The following LIMCH1 variants were observed in gnomAD, a reference collection of about 807,000 sequenced individuals.
LIMCH1 encodes LIM and calponin homology domains 1.
LIMCH1 carries 113 observed loss-of-function variants against 176.5 expected under a neutral mutation model. The ratio of observed to expected loss-of-function variants is 0.64; its 90% CI spans 0.55 to 0.75. The LOEUF (loss-of-function observed/expected upper bound fraction) is 0.75. Ranked by LOEUF, LIMCH1 falls within the 30% of genes least tolerant of loss-of-function variation. The probability of loss-of-function intolerance (pLI) is 0.00; values close to 1 mark genes in which losing one functional copy is unlikely to be tolerated. For synonymous variants in LIMCH1, 619 were observed against 645.9 expected (o/e 0.96, Z 0.63); for missense variants, 1,674 against 1,814.9 (o/e 0.92, Z 1.41).
At chr4:41,445,020 C>CTTT (rs11414585) in intron 1 of LIMCH1, among the ~76,000 whole-genome samples, 3 of 128,532 alleles carry the variant, frequency 2.3e-5, no homozygotes, top group Non-Finnish European at 3.3e-5. Context: ...TTTTCCCATT[C>CTTT]TTTTTTTTTT....
intron 1 of LIMCH1, among the ~76,000 whole-genome samples, chr4:41,484,315 T>TA (rs1449027420): frequency 6.6e-6 from 1 of 152,228 alleles, no homozygotes; most frequent in Non-Finnish European, 1.5e-5. Context: ...ATTTTGGTCT[T>TA]ACACCTTTTA....
intron 14 of LIMCH1, among the ~76,000 whole-genome samples, chr4:41,641,511 A>G (rs1162950629): frequency 1.3e-5 from 2 of 151,990 alleles, no homozygotes; most frequent in Non-Finnish European, 2.9e-5. Context: ...AGCCTGCCTT[A>G]TAGAAAATGT....
chr4:41,672,443 T>G (rs1044013666), intron 22 of LIMCH1, among the ~76,000 whole-genome samples: 2 of 152,178 alleles, frequency 1.3e-5, no homozygotes, highest in African/African-American at 4.8e-5. Context: ...GATACATTTT[T>G]TTAAATGTAC....
In LIMCH1 at chr4:41,544,255, C is replaced by T. The variant is rs946313603; in HGVS notation, c.-241+5905C>T. On this transcript the variant is annotated intron_variant, in intron 1 of 31. Transcript: ENST00000503057. ...AGAGTTTAAAAACATAGTGACTCCTCGAAAGACTGTGAACATTCTTGAACC... is the reference window on the plus strand; with the variant it reads ...AGAGTTTAAAAACATAGTGACTCCTTGAAAGACTGTGAACATTCTTGAACC... Among the ~76,000 whole-genome samples, 92 of 152,252 alleles carry T rather than the reference C, an allele frequency of 6.0e-4. 1 individual carries two copies. The highest frequency in any genetic ancestry group is 2.0e-3 in the African/African-American group (82 of 41,544).
chr4:41,418,217 C>T (rs572353550), intron 1 of LIMCH1, among the ~76,000 whole-genome samples: 1 of 152,166 alleles, frequency 6.6e-6, no homozygotes, highest in Non-Finnish European at 1.5e-5. Flanking sequence ...CTACAGCTTT[C>T]CAGCCAGAAA....
chr4:41,640,698 A>G (rs2093783298), intron 14 of LIMCH1, among the ~76,000 whole-genome samples: 1 of 152,242 alleles, frequency 6.6e-6, no homozygotes, highest in African/African-American at 2.4e-5. Flanking sequence ...AGAAACTTAT[A>G]CTATTTTTAG....
At chr4:41,610,826 G>C (rs1354565261) in intron 4 of LIMCH1, among the ~76,000 whole-genome samples, 1 of 152,104 alleles carries the variant, frequency 6.6e-6, no homozygotes, top group East Asian at 1.9e-4. Flanking sequence ...CACTAATCAT[G>C]CTTCATATAA....
At chr4:41,623,593 A>G (rs1185286273) in intron 7 of LIMCH1, among the ~76,000 whole-genome samples, 2 of 152,104 alleles carry the variant, frequency 1.3e-5, no homozygotes, top group Non-Finnish European at 2.9e-5. Flanking sequence ...CCCTGTCTCC[A>G]CTAAAAGTAC....
chr4:41,543,088 G>C (rs2078889994), intron 1 of LIMCH1, among the ~76,000 whole-genome samples: 1 of 152,154 alleles, frequency 6.6e-6, no homozygotes, highest in South Asian at 2.1e-4. Flanking sequence ...CGGTTTGTGG[G>C]GAAGAAGGTA....
intron 1 of LIMCH1, among the ~76,000 whole-genome samples, chr4:41,443,192 C>CTTTTTTTT (rs916559501): frequency 1.1e-3 from 43 of 39,700 alleles, no homozygotes; most frequent in Non-Finnish European, 1.4e-3. Context: ...TGTTTTTTTT[C>CTTTTTTTT]TTTTTTTTTT....
At chr4:41,409,038 G>T (rs1019125562) in intron 1 of LIMCH1, among the ~76,000 whole-genome samples, 39 of 152,122 alleles carry the variant, frequency 2.6e-4, no homozygotes, top group African/African-American at 9.2e-4. Context: ...ATCCTGACTC[G>T]CTGTGTACAT....
At chr4:41,611,200 A>G (rs1183719590) in intron 4 of LIMCH1, among the ~76,000 whole-genome samples, 1 of 152,214 alleles carries the variant, frequency 6.6e-6, no homozygotes, top group Non-Finnish European at 1.5e-5. Context: ...GCAGTTACCT[A>G]CAGTATTCAG....
intron 29 of LIMCH1, among the ~76,000 whole-genome samples, chr4:41,688,676 G>T (rs1158971286): frequency 6.6e-6 from 1 of 152,178 alleles, no homozygotes; most frequent in East Asian, 1.9e-4. Context: ...TATAAAAGCT[G>T]CCTTTCAGAG....
chr4:41,654,667 T>C (rs2094413246), intron 18 of LIMCH1, among the ~76,000 whole-genome samples: 1 of 152,052 alleles, frequency 6.6e-6, no homozygotes, highest in Non-Finnish European at 1.5e-5. Flanking sequence ...TGACAGTAAG[T>C]GTGGGATTTG....
At chr4:41,573,995 T>C (rs2083994433) in intron 1 of LIMCH1, among the ~76,000 whole-genome samples, 1 of 152,112 alleles carries the variant, frequency 6.6e-6, no homozygotes, top group South Asian at 2.1e-4. Context: ...ATCTCTCTTA[T>C]ATGCCATCTG....
At chr4:41,613,231 G>A in intron 4 of LIMCH1, 1 of 839,336 alleles carries the variant, frequency 1.2e-6, no homozygotes, top group South Asian at 1.7e-5. Flanking sequence ...GTTATTTGGG[G>A]ATTTTTTTAA....
At position 41,662,968 on chromosome 4, in the gene LIMCH1, T is replaced by C; in HGVS notation, c.3275T>C (p.Leu1092Ser). ...PENEMSGKVE[L>S]VLSQKVVKPK... ...AATGAAATGAGTGGAAAGGTGGAGT[T>C]GGTGCTGTCACAAAAGGTGAAGTGC... Residue 1092 changes from leucine to serine, a missense_variant, in exon 20 of 32, where the codon TTG becomes TCG. Around this residue, in one of 3 missense-constraint regions of LIMCH1, gnomAD observed 1,015 missense variants for 1,102.5 expected, o/e 0.92. Transcript: ENST00000503057. The C allele has an allele frequency of 1.9e-6, 3 of 1,613,796 alleles. No homozygotes were observed. The highest frequency in any genetic ancestry group is 2.5e-6 in the Non-Finnish European group (3 of 1,179,882).
intron 1 of LIMCH1, among the ~76,000 whole-genome samples, chr4:41,438,505 A>G (rs539801795): frequency 2.6e-5 from 4 of 151,634 alleles, no homozygotes; most frequent in African/African-American, 4.8e-5. Context: ...CACCTGGCTA[A>G]TTTTTGTATT....
At chr4:41,547,859 GTGTGTATATA>G (rs1210313529) in intron 1 of LIMCH1, among the ~76,000 whole-genome samples, 21 of 69,426 alleles carry the variant, frequency 3.0e-4, no homozygotes, top group African/African-American at 1.1e-3. Context: ...TAATTTGTGT[GTGTGTATATA>G]TATATATATA....
Sources: allele counts gnomAD v4.1 joint callset (sites outside exome capture counted in the v4.1 genomes callset), GRCh38; gene constraint gnomAD v4.1.1; regional missense constraint gnomAD v4.1.1; transcripts MANE v1.5; gene names NCBI Gene and HGNC (gene_info 2026-07-23, HGNC 2026-07-21).